DPEP1: variants seen among roughly 807,000 people sequenced by gnomAD.
DPEP1 encodes beta-lactamase.
A neutral mutation model predicts 42.3 loss-of-function variants in DPEP1; 50 were observed. The observed-to-expected ratio is 1.18, with a 90% CI of 0.94 to 1.50. The LOEUF is 1.50. DPEP1 is among the 40% of genes most tolerant of loss of function. The pLI, the probability that DPEP1 is intolerant of heterozygous loss-of-function variation, is 0.00. For synonymous variants in DPEP1, 297 were observed against 234.0 expected, an observed-to-expected ratio of 1.27 and a Z score of -2.46; for missense variants, 663 against 553.0, an observed-to-expected ratio of 1.20 and a Z score of -1.99.
At chr16:89,639,100 C>CCACCACCCCTGCACACACACACATA (rs2059722572), downstream of DPEP1, among the ~76,000 whole-genome samples, 1 of 26,640 alleles carries the variant, frequency 3.8e-5, no homozygotes, top group Admixed American at 3.2e-4. Context: ...CACACACACA[C>CCACCACCCCTGCACACACACACATA]CCCCACCCCT....
chr16:89,629,409 G>A (rs1256911549), intron 1 of DPEP1, among the ~76,000 whole-genome samples: 5 of 152,302 alleles, frequency 3.3e-5, no homozygotes, highest in African/African-American at 7.2e-5. Context: ...GGCTCAGGCA[G>A]GAGGGTTGCT....
chr16:89,638,955 A>G (rs150473406), downstream of DPEP1, among the ~76,000 whole-genome samples: 3,143 of 31,812 alleles, frequency 0.099, 768 homozygotes, highest in Middle Eastern at 0.19. Flanking sequence ...ACCCCTGCAC[A>G]CACACACACC....
intron 1 of DPEP1, among the ~76,000 whole-genome samples, chr16:89,618,169 C>T (rs1021099415): frequency 1.3e-5 from 2 of 152,124 alleles, no homozygotes; most frequent in Non-Finnish European, 2.9e-5. Flanking sequence ...TTAACTCATA[C>T]AGAATCAACA....
chr16:89,636,987 G>A (rs2059689411), intron 6 of DPEP1, 52 bp downstream of exon 6: 4 of 1,604,156 alleles, frequency 2.5e-6, no homozygotes, highest in African/African-American at 2.7e-5. Flanking sequence ...CAGAGGCCCT[G>A]GAGGGTGACC....
chr16:89,635,768 A>G, intron 2 of DPEP1, 140 bp from the exon 3 acceptor site: 1 of 1,204,420 alleles, frequency 8.3e-7, no homozygotes, highest in South Asian at 1.7e-5. Flanking sequence ...GTGATATGTC[A>G]CCCCCGCGGC....
chr16:89,616,129 G>A (rs1350964091), intron 1 of DPEP1, among the ~76,000 whole-genome samples: 5 of 151,266 alleles, frequency 3.3e-5, no homozygotes, highest in Non-Finnish European at 5.9e-5. Flanking sequence ...GCTGGGGTGC[G>A]CAGCAGGAGG....
In DPEP1 at chr16:89,636,259, C is replaced by T. The variant is rs1032473399; in HGVS notation, c.238-5C>T. On this transcript the variant is annotated splice_region_variant and splice_polypyrimidine_tract_variant and intron_variant, in intron 3 of 10. Coordinates refer to ENST00000690203, the MANE Select transcript of DPEP1 (RefSeq NM_001389466.1). ...TCAGCTCCTGGCACCCCCTGCGGCC[C>T]ACAGTTCTGGTCCGTGTACACGCCC... 5 of 1,606,008 alleles carry T rather than the reference C, an allele frequency of 3.1e-6. No homozygotes were observed. In the African/African-American group the frequency reaches 5.3e-5, roughly 17 times the overall value.
chr16:89,636,183 G>A (rs1390245169), intron 3 of DPEP1, 81 bp from the exon 4 acceptor site: 5 of 1,556,622 alleles, frequency 3.2e-6, no homozygotes, highest in Middle Eastern at 1.8e-4. Context: ...CCAGCGGGTG[G>A]GAAACCAGAC....
At chr16:89,631,422 G>A (rs540967259) in intron 2 of DPEP1, among the ~76,000 whole-genome samples, 1 of 152,336 alleles carries the variant, frequency 6.6e-6, no homozygotes, top group Admixed American at 6.5e-5. Context: ...GGTCCACACT[G>A]GCTCCGCGTT....
At chr16:89,634,780 T>C (rs867509299) in intron 2 of DPEP1, among the ~76,000 whole-genome samples, 3 of 31,046 alleles carry the variant, frequency 9.7e-5, no homozygotes, top group African/African-American at 3.1e-4. Context: ...CCCTTCCTTC[T>C]CCTTTCCCTT....
intron 1 of DPEP1, among the ~76,000 whole-genome samples, chr16:89,628,210 C>T (rs1482939145): frequency 2.6e-5 from 4 of 151,708 alleles, no homozygotes; most frequent in Non-Finnish European, 5.9e-5. Flanking sequence ...GCGTGAGCCA[C>T]CACACCCGGC....
intron 1 of DPEP1, among the ~76,000 whole-genome samples, chr16:89,618,437 C>G (rs535589179): frequency 1.9e-3 from 291 of 152,276 alleles, no homozygotes; most frequent in African/African-American, 6.5e-3. Flanking sequence ...AGGCTGGTCT[C>G]AAACTCCTGG....
At chr16:89,627,651 CTTTTTTTT>C (rs1175287086) in intron 1 of DPEP1, among the ~76,000 whole-genome samples, 18 of 52,840 alleles carry the variant, frequency 3.4e-4, no homozygotes, top group South Asian at 3.1e-3. Context: ...GATATTTCTT[CTTTTTTTT>C]TTTTTTTTTT....
chr16:89,635,795 C>G, intron 2 of DPEP1, 113 bp from the exon 3 acceptor site: 2 of 1,387,598 alleles, frequency 1.4e-6, no homozygotes, highest in Non-Finnish European at 1.9e-6. Flanking sequence ...TTCAGTCCTG[C>G]GTCTGTCGTG....
rs2151504539 is a variant in DPEP1 at position 89,637,840 on chromosome 16, C to T, written c.934C>T (p.Pro312Ser). ...GTTCTCCTGGCCTCAACACAGGGTC[C>T]CTGAGGGGCTGGAGGACGTCTCCAA... ...GGDFDGVPRV[P>S]EGLEDVSKYP... Residue 312 changes from proline (P) to serine (S), a missense_variant, in exon 10 of 11, where the codon CCT (proline) becomes TCT (serine). Physicochemically the swap from Pro to Ser is moderately conservative, Grantham distance 74 (BLOSUM62 -1). Coordinates refer to ENST00000690203, the MANE Select transcript of DPEP1 (RefSeq NM_001389466.1). The T allele has an allele frequency of 6.2e-7, 1 of 1,612,730 alleles. No individual in the cohort carries two copies. Among genetic ancestry groups the T allele is most frequent in the Non-Finnish European group, 8.5e-7 (1 of 1,179,898 alleles).
At chr16:89,625,897 G>A (rs1220521309) in intron 1 of DPEP1, among the ~76,000 whole-genome samples, 4 of 152,174 alleles carry the variant, frequency 2.6e-5, no homozygotes, top group African/African-American at 4.8e-5. Flanking sequence ...AACAGTGGTC[G>A]TGAGAGGGGA....
downstream of DPEP1, among the ~76,000 whole-genome samples, chr16:89,638,734 G>A (rs1335566376): frequency 1.8e-4 from 6 of 33,890 alleles, no homozygotes; most frequent in Admixed American, 1.4e-3. Flanking sequence ...CACACACACC[G>A]CACCCCTGCA....
intron 1 of DPEP1, among the ~76,000 whole-genome samples, chr16:89,625,259 G>T (rs1427959869): frequency 1.3e-5 from 2 of 151,970 alleles, no homozygotes; most frequent in African/African-American, 4.8e-5. Flanking sequence ...GCACGAATTG[G>T]CCTAAGTTCC....
rs1175287086 is a variant in DPEP1 at position 89,627,651 on chromosome 16, CTTTTTTTTTTTTTTTT to C, written c.-106-2642_-106-2627del. Among the ~76,000 whole-genome samples the C allele has an allele frequency of 6.4e-4, 34 of 52,862 alleles. No homozygotes were observed. In the South Asian group the frequency reaches 0.027, roughly 42 times the overall value. 34.7% of individuals were successfully genotyped at this position (52,862 alleles called of 152,430 possible). On this transcript the variant is annotated intron_variant, in intron 1 of 10. Coordinates refer to ENST00000690203, the MANE Select transcript of DPEP1 (RefSeq NM_001389466.1). Reference sequence around the variant, plus strand: ...GGGAACCCAGTCTTGGATATTTCTTCTTTTTTTTTTTTTTTTTTTTTTTTTTTGAAACGGAGTCTTG... The same window carrying C: ...GGGAACCCAGTCTTGGATATTTCTTCTTTTTTTTTTTGAAACGGAGTCTTG...
Sources: allele counts gnomAD v4.1 joint callset (sites outside exome capture counted in the v4.1 genomes callset), GRCh38; gene constraint gnomAD v4.1.1; transcripts MANE v1.5; gene names NCBI Gene and HGNC (gene_info 2026-07-23, HGNC 2026-07-21).